FRMD5: variants seen among roughly 807,000 people sequenced by gnomAD.
The protein encoded by FRMD5 is FERM domain containing 5, also known as FERM domain-containing protein 5.
Under a neutral mutation model 69.0 loss-of-function variants are expected in FRMD5, and 20 were observed. The ratio of observed to expected loss-of-function variants is 0.29; its 90% CI spans 0.20 to 0.42. The LOEUF (loss-of-function observed/expected upper bound fraction) is 0.42. Among genes scored for constraint, FRMD5 ranks in the 10% least tolerant of loss-of-function variants. The probability of loss-of-function intolerance (pLI) is 1.00; values close to 1 mark genes in which losing one functional copy is unlikely to be tolerated. For missense variants in FRMD5, 595 were observed against 708.6 expected (o/e 0.84, Z 1.82); for synonymous variants, 271 against 260.1 (o/e 1.04, Z -0.40).
intron 1 of FRMD5, among the ~76,000 whole-genome samples, chr15:44,121,689 T>C (rs919901264): frequency 6.6e-6 from 1 of 151,886 alleles, no homozygotes; most frequent in Middle Eastern, 3.4e-3. Context: ...AAACTCCTTA[T>C]ATGACAGTTG....
At chr15:43,967,768 TTTTAC>T (rs1468483986) in intron 1 of FRMD5, among the ~76,000 whole-genome samples, 2 of 152,102 alleles carry the variant, frequency 1.3e-5, no homozygotes, top group Non-Finnish European at 2.9e-5. Flanking sequence ...TTTTTTTAAA[TTTTAC>T]TTTAAGTTCT....
intron 13 of FRMD5, among the ~76,000 whole-genome samples, chr15:43,878,971 C>G (rs967234917): frequency 8.2e-6 from 1 of 121,594 alleles, no homozygotes; most frequent in African/African-American, 3.2e-5. Context: ...CTCACTCCAT[C>G]TCATTGCCCA....
At chr15:43,991,530 C>T (rs1173745515) in intron 1 of FRMD5, among the ~76,000 whole-genome samples, 8 of 152,178 alleles carry the variant, frequency 5.3e-5, no homozygotes, top group African/African-American at 1.9e-4. Flanking sequence ...TATGGATATT[C>T]ATTATAAAAA....
intron 1 of FRMD5, among the ~76,000 whole-genome samples, chr15:44,073,519 T>C (rs543968324): frequency 2.6e-5 from 4 of 152,320 alleles, no homozygotes; most frequent in South Asian, 2.1e-4. Context: ...TATTCTGACA[T>C]GTTAATAATA....
chr15:43,932,743 C>T (rs1566843961), intron 1 of FRMD5, among the ~76,000 whole-genome samples: 1 of 152,220 alleles, frequency 6.6e-6, no homozygotes, highest in African/African-American at 2.4e-5. Context: ...TTAGACTCTT[C>T]CCCCTGGGAT....
intron 1 of FRMD5, among the ~76,000 whole-genome samples, chr15:43,944,843 CCT>C (rs2089918016): frequency 6.6e-6 from 1 of 152,132 alleles, no homozygotes; most frequent in Admixed American, 6.6e-5. Flanking sequence ...TTCCCATTTG[CCT>C]CTCTCCTTTC....
chr15:44,015,447 G>A lies in FRMD5; in HGVS notation c.103-91138C>T, dbSNP rs137892960. On this transcript the variant is annotated intron_variant, in intron 1 of 13. Transcript: ENST00000417257. ...GTGGGCAACCGTGCCTGGCCCTGAA[G>A]GTATTTTAATAGTGCATTTTCTTCT... 7.9e-5 allele frequency among the ~76,000 whole-genome samples: 12 copies of A among 151,954 alleles called. No homozygotes were observed. The East Asian group carries it at 2.3e-3, about 29-fold the overall frequency.
intron 1 of FRMD5, among the ~76,000 whole-genome samples, chr15:44,051,756 T>C (rs1232007188): frequency 2.0e-5 from 3 of 152,136 alleles, no homozygotes; most frequent in Non-Finnish European, 2.9e-5. Context: ...TTTTGTAGAA[T>C]GTCTCTCAGT....
chr15:44,163,943 T>G (rs925069928), intron 1 of FRMD5, among the ~76,000 whole-genome samples: 3 of 152,202 alleles, frequency 2.0e-5, no homozygotes, highest in African/African-American at 7.2e-5. Flanking sequence ...ACAGACATCA[T>G]CATCCATCTT....
At chr15:44,186,951 T>A (rs1595570438) in intron 1 of FRMD5, among the ~76,000 whole-genome samples, 1 of 152,324 alleles carries the variant, frequency 6.6e-6, no homozygotes, top group East Asian at 1.9e-4. Context: ...GACGCAATCC[T>A]CGGTCCTCAA....
chr15:43,954,940 T>A (rs537971986), intron 1 of FRMD5, among the ~76,000 whole-genome samples: 1 of 152,248 alleles, frequency 6.6e-6, no homozygotes, highest in Non-Finnish European at 1.5e-5. Context: ...GAAGCTATTA[T>A]AATAATTATT....
intron 4 of FRMD5, among the ~76,000 whole-genome samples, chr15:43,918,636 C>G (rs2089439351): frequency 6.6e-6 from 1 of 152,186 alleles, no homozygotes; most frequent in Admixed American, 6.5e-5. Flanking sequence ...TCTTCCTCAG[C>G]TCTAGGATTC....
intron 4 of FRMD5, among the ~76,000 whole-genome samples, chr15:43,917,142 A>G (rs1278992319): frequency 2.0e-5 from 3 of 152,128 alleles, no homozygotes; most frequent in Non-Finnish European, 4.4e-5. Context: ...CCAGTCCTTT[A>G]ATCAAATTGG....
intron 1 of FRMD5, among the ~76,000 whole-genome samples, chr15:44,106,513 C>T (rs1484749552): frequency 3.3e-5 from 5 of 152,140 alleles, no homozygotes; most frequent in African/African-American, 4.8e-5. Flanking sequence ...CCTCCTACAA[C>T]CATCCTTCAC....
intron 1 of FRMD5, among the ~76,000 whole-genome samples, chr15:43,967,955 C>G (rs2090320357): frequency 6.6e-6 from 1 of 151,286 alleles, no homozygotes; most frequent in African/African-American, 2.4e-5. Context: ...GTGTGATGTT[C>G]CCCTCCCTGT....
chr15:44,123,157 C>T (rs1483914741), intron 1 of FRMD5, among the ~76,000 whole-genome samples: 17 of 151,788 alleles, frequency 1.1e-4, no homozygotes, highest in Non-Finnish European at 4.4e-5. Context: ...CCAGCCTGGC[C>T]AACATGGTGA....
intron 1 of FRMD5, among the ~76,000 whole-genome samples, chr15:44,156,754 T>C (rs981749623): frequency 2.0e-5 from 3 of 152,184 alleles, no homozygotes; most frequent in African/African-American, 7.2e-5. Context: ...ACCCATTATA[T>C]GTTTGGTGCT....
intron 1 of FRMD5, among the ~76,000 whole-genome samples, chr15:44,134,696 C>T (rs1374264380): frequency 6.6e-6 from 1 of 152,190 alleles, no homozygotes; most frequent in Non-Finnish European, 1.5e-5. Flanking sequence ...ATGATCCACC[C>T]TCCTCGGCCT....
rs150135138 is a variant in FRMD5 at position 44,098,335 on chromosome 15, A to T, written c.102+96618T>A. 6.6e-3 allele frequency among the ~76,000 whole-genome samples: 1,002 copies of T among 151,988 alleles called. 11 individuals carry two copies. The highest frequency in any genetic ancestry group is 0.023 in the African/African-American group (964 of 41,448). On this transcript the variant is annotated intron_variant, in intron 1 of 13. Transcript: ENST00000417257. Reference sequence around the variant, plus strand: ...AGGTCAAGAGATCGAGACCATCCTAACCAACATGGTGAAACCCTATCTCTA... The same window carrying T: ...AGGTCAAGAGATCGAGACCATCCTATCCAACATGGTGAAACCCTATCTCTA...
Sources: gnomAD v4.1 joint callset for allele counts (sites outside exome capture counted in the v4.1 genomes callset) on GRCh38, gnomAD v4.1.1 for gene constraint, MANE v1.5 for transcripts, NCBI Gene and HGNC (gene_info 2026-07-23, HGNC 2026-07-21) for gene names.